The following SLC4A5 variants were observed in gnomAD, a reference collection of about 807,000 sequenced individuals.
SLC4A5 encodes electrogenic sodium bicarbonate cotransporter 4.
Under a neutral mutation model 120.4 loss-of-function variants are expected in SLC4A5, and 96 were observed. That is an observed-to-expected ratio of 0.80 (90% confidence interval 0.68 to 0.94). SLC4A5 has a LOEUF of 0.94. SLC4A5 is among the 40% of genes least tolerant of loss of function. The pLI, the probability that SLC4A5 is intolerant of heterozygous loss-of-function variation, is 0.00. For synonymous variants in SLC4A5, 550 were observed against 571.1 expected (o/e 0.96, Z 0.53); for missense variants, 1,259 against 1,459.5 (o/e 0.86, Z 2.24).
At chr2:74,244,709 C>T (rs1670557251) in intron 19 of SLC4A5, among the ~76,000 whole-genome samples, 1 of 152,098 alleles carries the variant, frequency 6.6e-6, no homozygotes, top group Admixed American at 6.6e-5. Context: ...AGCCTTCTGA[C>T]TAGCTGGGAC....
At chr2:74,258,235 G>A (rs1261931597) in intron 12 of SLC4A5, among the ~76,000 whole-genome samples, 2 of 152,240 alleles carry the variant, frequency 1.3e-5, no homozygotes, top group Admixed American at 1.3e-4. Context: ...AGAGCCTGCA[G>A]AGCAAATGCC....
intron 3 of SLC4A5, among the ~76,000 whole-genome samples, chr2:74,336,684 G>A (rs1414777602): frequency 2.6e-5 from 4 of 152,174 alleles, no homozygotes; most frequent in Admixed American, 2.6e-4. Flanking sequence ...GCCCTGGCCT[G>A]GGGGATGGGA....
chr2:74,303,286 G>A (rs1672532475), intron 7 of SLC4A5, among the ~76,000 whole-genome samples: 2 of 152,162 alleles, frequency 1.3e-5, no homozygotes. Flanking sequence ...GGGCTCTGCA[G>A]GGTTGGGGGT....
chr2:74,222,515 T>TGGGC (rs1694686702), intron 29 of SLC4A5, among the ~76,000 whole-genome samples: 1 of 152,132 alleles, frequency 6.6e-6, no homozygotes, highest in African/African-American at 2.4e-5. Flanking sequence ...GAGGTGAGCA[T>TGGGC]GGGCGAGCAA....
Position 74,264,185 on chromosome 2 carries a change from C to T in SLC4A5, c.677G>A (p.Arg226His), listed in dbSNP as rs769900938. The change falls in exon 10 of 31, where the codon CGC becomes CAC. Residue 226 changes from arginine to histidine, a missense_variant. Transcript: ENST00000394019. ...TGACTTCCCAATGTCAGCTAAGGAG[C>T]GGTGGATGGGCTTCTTGGTTTGGTG... 1.1e-5 allele frequency: 18 copies of T among 1,614,000 alleles called. No individual in the cohort carries two copies. The highest frequency in any genetic ancestry group is 3.3e-5 in the Admixed American group (2 of 60,000).
intron 27 of SLC4A5, among the ~76,000 whole-genome samples, chr2:74,226,607 C>T (rs915554425): frequency 1.1e-4 from 16 of 152,094 alleles, no homozygotes; most frequent in Admixed American, 6.6e-4. Context: ...ATATTTAGTA[C>T]GCATCGACTT....
intron 6 of SLC4A5, among the ~76,000 whole-genome samples, chr2:74,312,267 G>A (rs1183451747): frequency 1.3e-5 from 2 of 151,736 alleles, no homozygotes; most frequent in Non-Finnish European, 2.9e-5. Context: ...GTGTGTGTGT[G>A]TGTGTATATG....
intron 5 of SLC4A5, among the ~76,000 whole-genome samples, chr2:74,322,280 T>A (rs893952635): frequency 6.6e-5 from 10 of 152,182 alleles, no homozygotes; most frequent in African/African-American, 2.4e-4. Context: ...AATGGATGAC[T>A]ATGGACAGTT....
Position 74,227,807 on chromosome 2 carries a change from T to C in SLC4A5, c.2916+3A>G, listed in dbSNP as rs758222335. The C allele has an allele frequency of 3.5e-5, 57 of 1,607,328 alleles. 1 individual carries two copies. In the South Asian group the frequency reaches 5.8e-4, roughly 16 times the overall value. On this transcript the variant is annotated splice_donor_region_variant and intron_variant, in intron 26 of 30. Transcript: ENST00000394019. ...ATGAAGGGATCTGGAGGGAAAGCCT[T>C]ACCTGGATGCCATTCAGGGAGGCCA...
chr2:74,241,178 T>A (rs1670428713), intron 20 of SLC4A5, among the ~76,000 whole-genome samples: 1 of 152,068 alleles, frequency 6.6e-6, no homozygotes, highest in Non-Finnish European at 1.5e-5. Context: ...AATGGCAGGC[T>A]TTGCTTACAG....
In SLC4A5 at chr2:74,228,906, C is replaced by G. The variant is rs574370026; in HGVS notation, c.2848-1028G>C. ...AATCTTCACAGCCTTTCAAAGCATT[C>G]TTCCGCTGTCTCTCTCAGCTGTTTC... On this transcript the variant is annotated intron_variant, in intron 25 of 30. Coordinates refer to ENST00000394019, the Ensembl canonical transcript of SLC4A5. 2.6e-5 allele frequency among the ~76,000 whole-genome samples: 4 copies of G among 152,202 alleles called. No homozygotes were observed. The East Asian group carries it at 7.7e-4, about 29-fold the overall frequency.
At chr2:74,330,867 T>G in intron 4 of SLC4A5, among the ~76,000 whole-genome samples, 1 of 4,254 alleles carries the variant, frequency 2.4e-4, no homozygotes. Context: ...TGGTGAGGTA[T>G]AGGAGGTGGT....
chr2:74,290,433 G>A lies in SLC4A5; in HGVS notation c.272-4531C>T, dbSNP rs150279547. ...AGAGAAGAAGGGGGGTTTGAGGGGA[G>A]AAAAAGAGAGAGAGAAAAGGAATGT... On this transcript the variant is annotated intron_variant, in intron 7 of 30. Transcript: ENST00000394019. The A allele has an allele frequency of 1.6e-4, 156 of 985,538 alleles. 1 individual carries two copies. In the African/African-American group the frequency reaches 2.1e-3, roughly 14 times the overall value. 61.0% of individuals were successfully genotyped at this position (985,538 alleles called of 1,614,324 possible). A position where few individuals can be genotyped will look rare whatever the true frequency, so the allele number is the denominator to read the frequency against.
chr2:74,313,630 C>T (rs1340008332), intron 6 of SLC4A5, among the ~76,000 whole-genome samples: 2 of 152,152 alleles, frequency 1.3e-5, no homozygotes, highest in Non-Finnish European at 2.9e-5. Flanking sequence ...TCCTAGGGCA[C>T]GGGTGTCAGA....
chr2:74,219,678 T>G (rs1018808180), intron 30 of SLC4A5, among the ~76,000 whole-genome samples: 3 of 152,190 alleles, frequency 2.0e-5, no homozygotes, highest in Non-Finnish European at 4.4e-5. Context: ...TGGTCCAAAT[T>G]TTCTCTCTAC....
chr2:74,305,428 T>C (rs1672610847), intron 6 of SLC4A5, among the ~76,000 whole-genome samples: 1 of 152,172 alleles, frequency 6.6e-6, no homozygotes. Flanking sequence ...TCAATATACC[T>C]ACCTCGACCC....
Position 74,255,918 on chromosome 2 carries a change from G to T in SLC4A5, c.882C>A (p.Phe294Leu). 2 of 1,613,786 alleles carry T rather than the reference G, an allele frequency of 1.2e-6. No homozygotes were observed. Among genetic ancestry groups the T allele is most frequent in the Non-Finnish European group, 1.7e-6 (2 of 1,179,708 alleles). ...CTGAGTCCTTGGGGATCTTCTTCAT[G>T]AATTTGTTTTTCCGCTGGACAGGGA... Residue 294 changes from phenylalanine to leucine, a missense_variant, in exon 13 of 31, where the codon TTC (phenylalanine) becomes TTA (leucine). Phe to Leu is a conservative substitution (Grantham distance 22, BLOSUM62 0). Coordinates refer to ENST00000394019, the Ensembl canonical transcript of SLC4A5. This position sits in a 1 kb window ranked among gnomAD's most constrained non-coding sequence, Gnocchi z 4.0.
chr2:74,255,244 C>T lies in SLC4A5; in HGVS notation c.1025+531G>A, dbSNP rs1291509975. ...ACCTTTGTCTTGCTGCCCAAGCTTA[C>T]CTGACAACTTCTCTCCTAGTTGTTG... is the stretch of plus-strand genomic sequence containing the variant. On this transcript the variant is annotated intron_variant, in intron 13 of 30. Transcript: ENST00000394019. This position sits in a 1 kb window ranked among gnomAD's most constrained non-coding sequence, Gnocchi z 4.0. 6.6e-6 allele frequency among the ~76,000 whole-genome samples: 1 copy of T among 152,186 alleles called. No homozygotes were observed. The highest frequency in any genetic ancestry group is 1.5e-5 in the Non-Finnish European group (1 of 68,028).
At chr2:74,231,367 C>A in intron 24 of SLC4A5, 59 bp from the exon 25 acceptor site, 2 of 1,488,698 alleles carry the variant, frequency 1.3e-6, no homozygotes, top group South Asian at 1.3e-5. Context: ...ACTACTCTGG[C>A]CCTCCTGCCC....
Sources: allele counts gnomAD v4.1 joint callset (sites outside exome capture counted in the v4.1 genomes callset), GRCh38; gene constraint gnomAD v4.1.1; non-coding constraint Gnocchi (gnomAD v3.1); transcripts MANE v1.5; gene names NCBI Gene and HGNC (gene_info 2026-07-23, HGNC 2026-07-21).